The following EEF1D variants were observed in gnomAD, a reference collection of about 807,000 sequenced individuals.
EEF1D encodes the protein elongation factor 1-delta.
EEF1D carries 47 observed loss-of-function variants against 63.9 expected under a neutral mutation model. The observed-to-expected ratio is 0.74, with a 90% confidence interval of 0.58 to 0.94. The LOEUF (loss-of-function observed/expected upper bound fraction) is 0.94, where lower values mean the gene tolerates loss of function less well. Among genes scored for constraint, EEF1D ranks in the 40% least tolerant of loss-of-function variants. EEF1D has a pLI of 0.00. For synonymous variants in EEF1D, 412 were observed against 386.1 expected (o/e 1.07, Z -0.79); for missense variants, 907 against 899.0 (o/e 1.01, Z -0.11).
In EEF1D at chr8:143,581,172, G is replaced by A. The variant is rs2130793629; in HGVS notation, c.1388-18C>T. The A allele has an allele frequency of 6.2e-7, 1 of 1,612,902 alleles. No homozygotes were observed. The highest frequency in any genetic ancestry group is 8.5e-7 in the Non-Finnish European group (1 of 1,179,920). On this transcript the variant is annotated intron_variant, in intron 6 of 9. Transcript: ENST00000618139. ...CTGTACCACTGGGGGGGCAAGGGGA[G>A]CACGGTTAGATGGCAGGGGCCAGGG...
At chr8:143,588,165 A>C (rs764512506) in intron 3 of EEF1D, among the ~76,000 whole-genome samples, 25 of 152,070 alleles carry the variant, frequency 1.6e-4, no homozygotes, top group Non-Finnish European at 3.4e-4. Flanking sequence ...TTATCTTGTT[A>C]ACCAGCAAAT....
intron 3 of EEF1D, 73 bp downstream of exon 3, chr8:143,588,918 G>A (rs1477327592): frequency 1.4e-5 from 21 of 1,503,760 alleles, no homozygotes; most frequent in Non-Finnish European, 1.9e-5. Context: ...GAAGCTGGAG[G>A]AGCCCCAGCC....
chr8:143,584,102 C>G (rs1179679771), intron 5 of EEF1D: 1 of 152,226 alleles, frequency 6.6e-6, no homozygotes, highest in Non-Finnish European at 1.5e-5. Context: ...CTGTTTTAAG[C>G]CACGGAAGTG....
chr8:143,592,738 A>G (rs954519207), intron 1 of EEF1D, 78 bp from the exon 2 acceptor site: 11 of 984,104 alleles, frequency 1.1e-5, no homozygotes, highest in Non-Finnish European at 1.3e-5. Flanking sequence ...GCAGCAGGTC[A>G]GCCCGGGGCG....
At chr8:143,585,512 C>T (rs1365646575) in intron 5 of EEF1D, among the ~76,000 whole-genome samples, 1 of 152,200 alleles carries the variant, frequency 6.6e-6, no homozygotes, top group African/African-American at 2.4e-5. Flanking sequence ...GTACTGTTTC[C>T]AGCGTGAGGC....
rs1345233758 is a variant in EEF1D, at chr8:143,589,707, G to A, written c.375C>T (p.Tyr125=). ...KSLFDQAESS[Y]RQKLADVAAQ... ...CAGCCACATCTGCCAGCTTCTGGCG[G>A]TAGGAGCTCTCTGCCTGGTCGAAAA... Residue 125 remains tyrosine (Y), a synonymous_variant, in exon 3 of 10, where the codon TAC becomes TAT. Coordinates refer to ENST00000618139, the MANE Select transcript of EEF1D (RefSeq NM_001130053.5). 7.2e-6 allele frequency: 11 copies of A among 1,525,350 alleles called. No individual in the cohort carries two copies. The highest frequency in any genetic ancestry group is 1.3e-5 in the South Asian group (1 of 77,776). 94.5% of individuals were successfully genotyped at this position (1,525,350 alleles called of 1,614,324 possible).
chr8:143,581,373 T>G, intron 5 of EEF1D, 45 bp from the exon 6 acceptor site: 4 of 1,559,986 alleles, frequency 2.6e-6, no homozygotes, highest in Non-Finnish European at 3.5e-6. Flanking sequence ...AGCCTGCTCC[T>G]AGGGTCCCCC....
chr8:143,589,525 A>C lies in EEF1D; in HGVS notation c.557T>G (p.Leu186Arg), dbSNP rs1423971089. ...CTGCCTGCGGCTGCCGTCGGGGGCC[A>C]GCAACAGGGCCTGAGACCACTCCAC... ...AFVEWSQALL[L>R]APDGSRRQGT... The change falls in exon 3 of 10, where the codon CTG becomes CGG. Residue 186 changes from leucine to arginine, a missense_variant. Transcript: ENST00000618139. 6.6e-7 allele frequency: 1 copy of C among 1,513,074 alleles called. No individual in the cohort carries two copies. Among genetic ancestry groups the C allele is most frequent in the Non-Finnish European group, 8.8e-7 (1 of 1,130,040 alleles). 93.7% of individuals were successfully genotyped at this position (1,513,074 alleles called of 1,614,324 possible).
rs1458309649 is a variant in EEF1D, at chr8:143,589,711, G to C, written c.371C>G (p.Ser124Cys). ...DKSLFDQAES[S>C]YRQKLADVAA... Reference sequence around the variant, plus strand: ...CACATCTGCCAGCTTCTGGCGGTAGGAGCTCTCTGCCTGGTCGAAAAGTGA... The same window carrying C: ...CACATCTGCCAGCTTCTGGCGGTAGCAGCTCTCTGCCTGGTCGAAAAGTGA... Residue 124 changes from serine to cysteine, a missense_variant, in exon 3 of 10, where the codon TCC becomes TGC. By Grantham distance (112) the Ser-to-Cys change is moderately radical. Coordinates refer to ENST00000618139, the MANE Select transcript of EEF1D (RefSeq NM_001130053.5). The C allele has an allele frequency of 2.0e-6, 3 of 1,524,418 alleles. No individual in the cohort carries two copies. The highest frequency in any genetic ancestry group is 2.6e-6 in the Non-Finnish European group (3 of 1,135,808). The allele number at this position is 1,524,418 out of a possible 1,614,324, so 94.4% of individuals were successfully genotyped here. A position where few individuals can be genotyped will look rare whatever the true frequency, so the allele number is the denominator to read the frequency against.
Position 143,590,258 on chromosome 8 carries a change from C to G in EEF1D, c.1-177G>C, listed in dbSNP as rs1202408689. 4.1e-6 allele frequency: 4 copies of G among 977,238 alleles called. No individual in the cohort carries two copies. The Admixed American group carries it at 8.6e-5, about 21-fold the overall frequency. The allele number at this position is 977,238 out of a possible 1,614,324, so 60.5% of individuals were successfully genotyped here. On this transcript the variant is annotated intron_variant, in intron 2 of 9. Transcript: ENST00000618139. ...AGATGACATTCGAGGACTTCGAAGT[C>G]AAGCCCATGTGGGGACGTTTTGTTG...
rs1232844712 is a variant in EEF1D at position 143,587,066 on chromosome 8, C to T, written c.1092-214G>A. 5.7e-6 allele frequency: 3 copies of T among 530,740 alleles called. No individual in the cohort carries two copies. The Admixed American group carries it at 1.0e-4, about 18-fold the overall frequency. The allele number at this position is 530,740 out of a possible 1,614,324, so 32.9% of individuals were successfully genotyped here. A position where few individuals can be genotyped will look rare whatever the true frequency, so the allele number is the denominator to read the frequency against. The stretch of plus-strand genomic sequence containing the variant: ...TTCTCAAAGTGTGGTCCGAGAACCT[C>T]TGAGGGTCCCCAGGCCCTTCCCTTT... On this transcript the variant is annotated intron_variant, in intron 3 of 9. Coordinates refer to ENST00000618139, the MANE Select transcript of EEF1D (RefSeq NM_001130053.5).
rs1405833356 is a variant in EEF1D at position 143,589,537 on chromosome 8, T to C, written c.545A>G (p.Gln182Arg). ...QAERAFVEWS[Q>R]ALLLAPDGSR... Reference sequence around the variant, plus strand: ...GCCGTCGGGGGCCAGCAACAGGGCCTGAGACCACTCCACGAAGGCCCGCTC... The same window carrying C: ...GCCGTCGGGGGCCAGCAACAGGGCCCGAGACCACTCCACGAAGGCCCGCTC... The change falls in exon 3 of 10, where the codon CAG becomes CGG. Residue 182 changes from glutamine (Q) to arginine (R), a missense_variant. Transcript: ENST00000618139. 5 of 1,515,266 alleles carry C rather than the reference T, an allele frequency of 3.3e-6. No homozygotes were observed. The highest frequency in any genetic ancestry group is 4.4e-6 in the Non-Finnish European group (5 of 1,131,080). 93.9% of individuals were successfully genotyped at this position (1,515,266 alleles called of 1,614,324 possible).
chr8:143,593,603 CT>C (rs1401452265), intron 1 of EEF1D, among the ~76,000 whole-genome samples: 3 of 152,146 alleles, frequency 2.0e-5, no homozygotes, highest in African/African-American at 7.2e-5. Context: ...ACTGGGCACC[CT>C]GCAGGGGTCT....
Position 143,586,795 on chromosome 8 carries a change from T to C in EEF1D, c.1149A>G (p.Lys383=). The change falls in exon 4 of 10, where the codon AAA becomes AAG. Residue 383 remains lysine, a synonymous_variant. Coordinates refer to ENST00000618139, the MANE Select transcript of EEF1D (RefSeq NM_001130053.5). The stretch of plus-strand genomic sequence containing the variant: ...AGAATCTCCTTTCTGCGTCGTCATA[T>C]TTGAACTTGTCGAACCAGATCTTCT... ...AHEKIWFDKF[K]YDDAERRFYE... The C allele has an allele frequency of 6.2e-7, 1 of 1,614,206 alleles. No individual in the cohort carries two copies.
At position 143,580,068 on chromosome 8, in the gene EEF1D, C is replaced by T. The variant is rs1825065687; in HGVS notation, c.1849G>A (p.Asp617Asn). ...AGCAAGTCTGTCCCCACCTTGTCGT[C>T]CTCCACCACACACTGAATCTGTAGC... is the stretch of plus-strand genomic sequence containing the variant. ...RKLQIQCVVE[D>N]DKVGTDLLEE... is the part of the protein sequence containing the mutation. The change falls in exon 9 of 10, where the codon GAC (aspartate) becomes AAC (asparagine). Residue 617 changes from aspartate (D) to asparagine (N), a missense_variant. Transcript: ENST00000618139. 6.2e-7 allele frequency: 1 copy of T among 1,613,948 alleles called. No individual in the cohort carries two copies.
chr8:143,581,427 G>T, intron 5 of EEF1D, 99 bp from the exon 6 acceptor site: 1 of 1,088,404 alleles, frequency 9.2e-7, no homozygotes, highest in Non-Finnish European at 1.3e-6. Context: ...GAAAACTACA[G>T]CTCGGGAGAG....
At chr8:143,585,878 C>A (rs1826486520) in intron 5 of EEF1D, among the ~76,000 whole-genome samples, 1 of 152,248 alleles carries the variant, frequency 6.6e-6, no homozygotes, top group Non-Finnish European at 1.5e-5. Context: ...GACACACAGT[C>A]CTGCCACAGG....
intron 4 of EEF1D, among the ~76,000 whole-genome samples, 154 bp downstream of exon 4, chr8:143,586,575 G>C (rs1826684184): frequency 6.6e-6 from 1 of 152,158 alleles, no homozygotes; most frequent in Admixed American, 6.5e-5. Flanking sequence ...CCCGGCCAAG[G>C]CCGCCTGCCC....
chr8:143,579,982 T>A (rs1466091171), intron 9 of EEF1D, 30 bp downstream of exon 9: 1 of 1,603,336 alleles, frequency 6.2e-7, no homozygotes, highest in South Asian at 1.1e-5. Flanking sequence ...CAGTCTCCTC[T>A]CCCCTCCTCT....
Sources: allele counts gnomAD v4.1 joint callset (sites outside exome capture counted in the v4.1 genomes callset), GRCh38; gene constraint gnomAD v4.1.1; transcripts MANE v1.5; gene names NCBI Gene and HGNC (gene_info 2026-07-23, HGNC 2026-07-21).